Variants in EPHA5 observed in about 807,000 individuals in gnomAD.
The protein encoded by EPHA5 is ephrin type-A receptor 5.
EPHA5 carries 60 observed loss-of-function variants against 105.0 expected under a neutral mutation model. That is an observed-to-expected ratio of 0.57 (90% CI 0.46 to 0.71). EPHA5 has a LOEUF of 0.71. Ranked by LOEUF, EPHA5 falls within the 30% of genes least tolerant of loss-of-function variation. EPHA5 has a pLI of 0.00. For missense variants in EPHA5, 1,218 were observed against 1,274.7 expected, an observed-to-expected ratio of 0.96 and a Z score of 0.68; for synonymous variants, 513 against 449.1, an observed-to-expected ratio of 1.14 and a Z score of -1.80.
At chr4:65,547,448 A>C (rs1737488312) in intron 3 of EPHA5, among the ~76,000 whole-genome samples, 1 of 152,016 alleles carries the variant, frequency 6.6e-6, no homozygotes, top group Non-Finnish European at 1.5e-5. Context: ...GAGCTGTCTG[A>C]CATATTTTAT....
chr4:65,625,823 A>T (rs1746089760), intron 2 of EPHA5, among the ~76,000 whole-genome samples: 1 of 152,224 alleles, frequency 6.6e-6, no homozygotes, highest in Non-Finnish European at 1.5e-5. Context: ...TTATTTAAAG[A>T]ATGCGCGGCC....
intron 5 of EPHA5, among the ~76,000 whole-genome samples, chr4:65,435,371 A>T (rs1231153099): frequency 6.6e-6 from 1 of 152,150 alleles, no homozygotes; most frequent in African/African-American, 2.4e-5. Context: ...GTATTCTTGA[A>T]GGCATACAAA....
chr4:65,609,628 A>AG (rs1037299799), intron 2 of EPHA5, among the ~76,000 whole-genome samples: 9 of 142,610 alleles, frequency 6.3e-5, no homozygotes, highest in African/African-American at 2.3e-4. Flanking sequence ...TTCAACCTGG[A>AG]GGAAAAAAAT....
intron 5 of EPHA5, among the ~76,000 whole-genome samples, chr4:65,437,068 G>A (rs188309639): frequency 8.6e-5 from 13 of 152,026 alleles, no homozygotes; most frequent in African/African-American, 9.6e-5. Context: ...ATATGTAAAC[G>A]AGATTAAAAT....
At chr4:65,326,972 C>T (rs1248203384) in intron 16 of EPHA5, among the ~76,000 whole-genome samples, 7 of 151,074 alleles carry the variant, frequency 4.6e-5, no homozygotes, top group African/African-American at 1.7e-4. Context: ...GTTCCATATT[C>T]CAAATCTTGG....
chr4:65,416,111 T>C (rs1723359959), intron 6 of EPHA5, among the ~76,000 whole-genome samples: 1 of 152,090 alleles, frequency 6.6e-6, no homozygotes, highest in African/African-American at 2.4e-5. Context: ...GTCTGTTTGC[T>C]GATATTTGTT....
chr4:65,632,979 T>C (rs998602115), intron 2 of EPHA5, among the ~76,000 whole-genome samples: 1 of 151,988 alleles, frequency 6.6e-6, no homozygotes. Context: ...ATGAAAGAAA[T>C]GAGCTCATTA....
At chr4:65,542,229 CTG>C (rs2149323262) in intron 3 of EPHA5, among the ~76,000 whole-genome samples, 1 of 151,904 alleles carries the variant, frequency 6.6e-6, no homozygotes, top group East Asian at 1.9e-4. Context: ...TAAGAAATAA[CTG>C]AGATCAGAGT....
intron 2 of EPHA5, among the ~76,000 whole-genome samples, chr4:65,607,658 C>T (rs952110827): frequency 1.7e-4 from 26 of 152,068 alleles, no homozygotes; most frequent in African/African-American, 5.3e-4. Flanking sequence ...GTTACAATGG[C>T]GATCATTAAA....
At chr4:65,665,851 G>A (rs562127410) in intron 1 of EPHA5, among the ~76,000 whole-genome samples, 4 of 152,232 alleles carry the variant, frequency 2.6e-5, no homozygotes, top group South Asian at 2.1e-4. Flanking sequence ...GTCCCTTGTA[G>A]TTTCAACAAT....
intron 3 of EPHA5, among the ~76,000 whole-genome samples, chr4:65,578,093 C>A (rs1425510637): frequency 1.3e-5 from 2 of 152,052 alleles, no homozygotes; most frequent in East Asian, 3.9e-4. Context: ...TATCAGTATA[C>A]CTATATCAAC....
chr4:65,358,208 A>G (rs1366044855), intron 11 of EPHA5, among the ~76,000 whole-genome samples: 1 of 151,526 alleles, frequency 6.6e-6, no homozygotes, highest in Non-Finnish European at 1.5e-5. Flanking sequence ...TAGGCTTATT[A>G]TTTTTATTTG....
rs545404810 is a variant in EPHA5, at chr4:65,536,437, T to C, written c.911-40894A>G. Among the ~76,000 whole-genome samples the C allele has an allele frequency of 3.2e-4, 48 of 152,050 alleles. No individual in the cohort carries two copies. In the Middle Eastern group the frequency reaches 0.01, roughly 32 times the overall value. On this transcript the variant is annotated intron_variant, in intron 3 of 16. Coordinates refer to ENST00000613740, the MANE Select transcript of EPHA5 (RefSeq NM_001281766.3). ...AGATTCTGCCGTTTCTGGTCTAGGG[T>C]ATAAGTGAAACCATATATATTTTTT...
At chr4:65,370,810 G>A (rs780240500) in intron 8 of EPHA5, among the ~76,000 whole-genome samples, 7 of 151,982 alleles carry the variant, frequency 4.6e-5, no homozygotes, top group Non-Finnish European at 1.0e-4. Context: ...TAACATATAC[G>A]GCTGCATATC....
chr4:65,523,082 T>A (rs1214737769), intron 3 of EPHA5, among the ~76,000 whole-genome samples: 1 of 151,994 alleles, frequency 6.6e-6, no homozygotes. Context: ...TTCTTAATAC[T>A]CAGTCACACA....
intron 14 of EPHA5, among the ~76,000 whole-genome samples, chr4:65,336,438 G>C (rs976065302): frequency 6.6e-6 from 1 of 151,938 alleles, no homozygotes; most frequent in African/African-American, 2.4e-5. Flanking sequence ...TACAGTTCAT[G>C]TTTTATTTAT....
At chr4:65,349,284 T>C (rs368477142) in intron 13 of EPHA5, among the ~76,000 whole-genome samples, 6 of 152,026 alleles carry the variant, frequency 3.9e-5, no homozygotes, top group Admixed American at 2.0e-4. Flanking sequence ...TTATTGAAAT[T>C]GGATTGGGGG....
At chr4:65,389,192 T>A (rs1319987875) in intron 8 of EPHA5, among the ~76,000 whole-genome samples, 1 of 152,080 alleles carries the variant, frequency 6.6e-6, no homozygotes, top group Non-Finnish European at 1.5e-5. Context: ...TGTGCAAGCT[T>A]AATGTGTCTA....
chr4:65,574,739 T>TAC lies in EPHA5; in HGVS notation c.910+26901_910+26902insGT, dbSNP rs1353277235. Among the ~76,000 whole-genome samples, 108 of 98,772 alleles carry TAC rather than the reference T, an allele frequency of 1.1e-3. 2 individuals carry two copies. The highest frequency in any genetic ancestry group is 4.3e-3 in the African/African-American group (93 of 21,682). 64.8% of individuals were successfully genotyped at this position (98,772 alleles called of 152,430 possible). A position where few individuals can be genotyped will look rare whatever the true frequency, so the allele number is the denominator to read the frequency against. ...ATATATACATATATATACATATATA[T>TAC]ATACATATATATATATATACACAGT... On this transcript the variant is annotated intron_variant, in intron 3 of 16. Transcript: ENST00000613740.
Sources: allele counts gnomAD v4.1 joint callset (sites outside exome capture counted in the v4.1 genomes callset), GRCh38; gene constraint gnomAD v4.1.1; transcripts MANE v1.5; gene names NCBI Gene and HGNC (gene_info 2026-07-23, HGNC 2026-07-21).